UBE2V1: variants seen among roughly 807,000 people sequenced by gnomAD.
The protein encoded by UBE2V1 is ubiquitin-conjugating enzyme E2 variant 1.
Under a neutral mutation model 19.6 loss-of-function variants are expected in UBE2V1, and 15 were observed. The observed-to-expected ratio is 0.77, with a 90% confidence interval of 0.51 to 1.18. The LOEUF is 1.18. Among genes scored for constraint, UBE2V1 ranks in the 50% most tolerant of loss-of-function variants. UBE2V1 has a pLI of 0.00. For missense variants in UBE2V1, 125 were observed against 184.8 expected (o/e 0.68, Z 1.88); for synonymous variants, 60 against 60.7 (o/e 0.99, Z 0.05).
chr20:50,084,996 A>C (rs1412251837), intron 2 of UBE2V1, among the ~76,000 whole-genome samples: 1 of 148,380 alleles, frequency 6.7e-6, no homozygotes, highest in Non-Finnish European at 1.5e-5. Flanking sequence ...TCCCGGGTTC[A>C]AGTGACTCTC....
At chr20:50,102,622 C>G (rs574083660) in intron 1 of UBE2V1, among the ~76,000 whole-genome samples, 152 of 152,268 alleles carry the variant, frequency 1.0e-3, no homozygotes, top group Non-Finnish European at 8.7e-4. Flanking sequence ...GAACTCCCGA[C>G]CTCAGGTGAT....
At chr20:50,087,290 G>A (rs570245261) in intron 2 of UBE2V1, among the ~76,000 whole-genome samples, 3 of 151,354 alleles carry the variant, frequency 2.0e-5, no homozygotes, top group Non-Finnish European at 2.9e-5. Context: ...CAGCTAACCG[G>A]GGGGCTGAGA....
chr20:50,085,840 A>C (rs1271019937), intron 2 of UBE2V1, among the ~76,000 whole-genome samples: 1 of 152,054 alleles, frequency 6.6e-6, no homozygotes, highest in Non-Finnish European at 1.5e-5. Context: ...CAGTTAGCTA[A>C]AGCAAAAACT....
chr20:50,090,722 G>A (rs1271145099), intron 2 of UBE2V1, among the ~76,000 whole-genome samples: 1 of 152,180 alleles, frequency 6.6e-6, no homozygotes, highest in Non-Finnish European at 1.5e-5. Flanking sequence ...GGAATCTAAT[G>A]TAAAGCATGG....
At chr20:50,102,869 C>T (rs2080095122) in intron 1 of UBE2V1, among the ~76,000 whole-genome samples, 1 of 152,166 alleles carries the variant, frequency 6.6e-6, no homozygotes, top group African/African-American at 2.4e-5. Context: ...TCCAGCTACA[C>T]CAGTCCTTCT....
chr20:50,106,480 G>A (rs1333714543), intron 1 of UBE2V1, among the ~76,000 whole-genome samples: 2 of 152,176 alleles, frequency 1.3e-5, no homozygotes, highest in African/African-American at 2.4e-5. Context: ...TGGCCACCAA[G>A]CAGCAGCTAC....
chr20:50,094,259 TGC>T (rs1568989023), intron 2 of UBE2V1, among the ~76,000 whole-genome samples: 2 of 141,816 alleles, frequency 1.4e-5, no homozygotes, highest in African/African-American at 2.6e-5. Flanking sequence ...TAATATATAA[TGC>T]ATTATATAAT....
At chr20:50,091,576 A>G (rs1375103961) in intron 2 of UBE2V1, among the ~76,000 whole-genome samples, 1 of 151,804 alleles carries the variant, frequency 6.6e-6, no homozygotes, top group Non-Finnish European at 1.5e-5. Context: ...CTTTTTTAGT[A>G]GCGACCGGGT....
chr20:50,095,486 A>C (rs1285347684), intron 2 of UBE2V1: 2 of 152,248 alleles, frequency 1.3e-5, no homozygotes, highest in African/African-American at 2.4e-5. Context: ...ATGACTTAAG[A>C]AGCAACATTA....
chr20:50,091,004 C>CGG (rs1340520178), intron 2 of UBE2V1, among the ~76,000 whole-genome samples: 1 of 152,062 alleles, frequency 6.6e-6, no homozygotes, highest in African/African-American at 2.4e-5. Flanking sequence ...AGAGTTAAAG[C>CGG]GGGACTAAGT....
At chr20:50,113,239 G>A (rs1338143944), upstream of UBE2V1, 11 of 860,102 alleles carry the variant, frequency 1.3e-5, no homozygotes, top group Admixed American at 1.8e-4. Context: ...GCTGACGCCC[G>A]CCCCGGAGAC....
At chr20:50,087,063 C>CGAGTTTTT (rs1390904456) in intron 2 of UBE2V1, among the ~76,000 whole-genome samples, 1 of 151,716 alleles carries the variant, frequency 6.6e-6, no homozygotes, top group Non-Finnish European at 1.5e-5. Context: ...GGCGACAGTG[C>CGAGTTTTT]GAGACTCCAT....
intron 1 of UBE2V1, among the ~76,000 whole-genome samples, chr20:50,103,565 C>T (rs2147145782): frequency 6.6e-6 from 1 of 152,184 alleles, no homozygotes; most frequent in Admixed American, 6.5e-5. Context: ...GCCACCACGC[C>T]CAGCTAATTT....
chr20:50,087,450 T>C (rs965408314), intron 2 of UBE2V1, among the ~76,000 whole-genome samples: 1 of 149,544 alleles, frequency 6.7e-6, no homozygotes, highest in Non-Finnish European at 1.5e-5. Flanking sequence ...GGTTACAGGG[T>C]TTCTGGTTTT....
At chr20:50,108,730 T>C (rs1449870600) in intron 1 of UBE2V1, among the ~76,000 whole-genome samples, 1 of 152,216 alleles carries the variant, frequency 6.6e-6, no homozygotes, top group Non-Finnish European at 1.5e-5. Flanking sequence ...GTACCTGCCA[T>C]GATGGGGCTC....
intron 2 of UBE2V1, among the ~76,000 whole-genome samples, chr20:50,094,029 AAT>A (rs1211792819): frequency 4.5e-5 from 5 of 110,662 alleles, no homozygotes; most frequent in African/African-American, 2.1e-4. Flanking sequence ...TAATAATAAT[AAT>A]AAAATATATA....
chr20:50,084,794 G>A (rs184955325), intron 2 of UBE2V1: 2 of 290,378 alleles, frequency 6.9e-6, no homozygotes, highest in Non-Finnish European at 6.8e-6. Flanking sequence ...CAACTGGGGT[G>A]TTCCATCCCT....
intron 1 of UBE2V1, among the ~76,000 whole-genome samples, chr20:50,099,363 T>C (rs545742764): frequency 6.6e-6 from 1 of 152,338 alleles, no homozygotes; most frequent in African/African-American, 2.4e-5. Context: ...GTCTATGGTA[T>C]TTTGTTATGA....
intron 2 of UBE2V1, among the ~76,000 whole-genome samples, chr20:50,094,000 A>AT (rs1189114129): frequency 3.9e-4 from 50 of 128,914 alleles, no homozygotes; most frequent in African/African-American, 1.6e-3. Context: ...AAAAAAAAAA[A>AT]AAAAAAAAAA....
Sources: allele counts gnomAD v4.1 joint callset (sites outside exome capture counted in the v4.1 genomes callset), GRCh38; gene constraint gnomAD v4.1.1; transcripts MANE v1.5; gene names NCBI Gene and HGNC (gene_info 2026-07-23, HGNC 2026-07-21).